Variants in DENND2B observed in about 807,000 individuals in gnomAD.
DENND2B encodes DENN domain-containing protein 2B.
DENND2B carries 32 observed loss-of-function variants against 116.0 expected under a neutral mutation model. The ratio of observed to expected loss-of-function variants is 0.28; its 90% CI spans 0.21 to 0.37. The LOEUF is 0.37. Ranked by LOEUF, DENND2B falls within the 10% of genes least tolerant of loss-of-function variation. The pLI, the probability that DENND2B is intolerant of heterozygous loss-of-function variation, is 1.00. For missense variants in DENND2B, 1,276 were observed against 1,477.7 expected (o/e 0.86, Z 2.24); for synonymous variants, 588 against 583.9 (o/e 1.01, Z -0.10).
At chr11:8,809,218 T>G (rs2061162428) in intron 1 of DENND2B, 1 of 152,190 alleles carries the variant, frequency 6.6e-6, no homozygotes, top group African/African-American at 2.4e-5. Context: ...ACAACCACGA[T>G]GTATACATGT....
intron 2 of DENND2B, among the ~76,000 whole-genome samples, chr11:8,737,243 T>C (rs2049216822): frequency 6.6e-6 from 1 of 152,200 alleles, no homozygotes; most frequent in Non-Finnish European, 1.5e-5. Flanking sequence ...AGCGTAAGTG[T>C]AGCTAGAGAA....
Position 8,707,206 on chromosome 11 carries a change from C to A in DENND2B, c.2450G>T (p.Arg817Leu), listed in dbSNP as rs145873502. The change falls in exon 13 of 20, where the codon CGC (arginine) becomes CTC (leucine). Residue 817 changes from arginine (R) to leucine (L), a missense_variant. Around this residue, in one of 2 missense-constraint regions of DENND2B, gnomAD observed 420 missense variants for 631.1 expected, o/e 0.67. Transcript: ENST00000313726. The surrounding 1 kb of genome is among the most constrained non-coding windows in gnomAD (Gnocchi z 4.8). ...CAATGCAGCGGAGATCCCACGCCGGCGCTCCACCTCATCTAGGACCTGTGC... is the reference window on the plus strand; with the variant it reads ...CAATGCAGCGGAGATCCCACGCCGGAGCTCCACCTCATCTAGGACCTGTGC... The part of the protein sequence containing the change: ...LFSKVLDEVE[R>L]RRGISAALVY... 1 of 1,612,500 alleles carries A rather than the reference C, an allele frequency of 6.2e-7. No homozygotes were observed. The highest frequency in any genetic ancestry group is 8.5e-7 in the Non-Finnish European group (1 of 1,179,164).
upstream of DENND2B, among the ~76,000 whole-genome samples, chr11:8,876,198 C>T (rs2063839235): frequency 6.6e-6 from 1 of 151,984 alleles, no homozygotes; most frequent in South Asian, 2.1e-4. Flanking sequence ...CCAGCCTGGG[C>T]AACATAGCAA....
At chr11:8,896,386 G>C (rs2064101786) in intron 1 of DENND2B, among the ~76,000 whole-genome samples, 3 of 152,132 alleles carry the variant, frequency 2.0e-5, no homozygotes, top group African/African-American at 4.8e-5. Flanking sequence ...AAAATTGGAA[G>C]GGAACAGGAA....
At chr11:8,887,513 A>G (rs1277619175) in intron 1 of DENND2B, among the ~76,000 whole-genome samples, 3 of 152,322 alleles carry the variant, frequency 2.0e-5, no homozygotes, top group Admixed American at 2.0e-4. Context: ...GGATGATAAT[A>G]TATGTGTTAA....
chr11:8,871,648 G>C (rs562691497), upstream of DENND2B, among the ~76,000 whole-genome samples: 1 of 152,314 alleles, frequency 6.6e-6, no homozygotes, highest in African/African-American at 2.4e-5. Context: ...TGCAGCAGCA[G>C]CAGAACTCCC....
chr11:8,862,128 G>A (rs1156752792), intron 2 of DENND2B, among the ~76,000 whole-genome samples: 1 of 151,704 alleles, frequency 6.6e-6, no homozygotes, highest in Non-Finnish European at 1.5e-5. Flanking sequence ...TAAAATTTCA[G>A]ACACAATTCA....
At chr11:8,713,910 A>G in intron 8 of DENND2B, 88 bp downstream of exon 8, 1 of 1,449,824 alleles carries the variant, frequency 6.9e-7, no homozygotes, top group Non-Finnish European at 9.7e-7. Flanking sequence ...GGTTAGGGAC[A>G]CTGGAACCAC....
At chr11:8,794,368 C>A (rs1047631519) in intron 1 of DENND2B, among the ~76,000 whole-genome samples, 2 of 152,174 alleles carry the variant, frequency 1.3e-5, no homozygotes, top group African/African-American at 4.8e-5. Flanking sequence ...GCAAAATAGA[C>A]GACAGCTGTG....
intron 2 of DENND2B, among the ~76,000 whole-genome samples, chr11:8,880,345 C>CTGTGTGTGTGTGTGTGTGTG (rs56051922): frequency 4.5e-4 from 54 of 120,638 alleles, no homozygotes; most frequent in Admixed American, 1.6e-3. Flanking sequence ...TCACTTTGAA[C>CTGTGTGTGTGTGTGTGTGTG]TGTGTGTGTG....
At chr11:8,801,511 T>C (rs112912618) in intron 1 of DENND2B, among the ~76,000 whole-genome samples, 47 of 152,028 alleles carry the variant, frequency 3.1e-4, no homozygotes, top group African/African-American at 1.0e-3. Context: ...ACCCCGTCTC[T>C]ACTAAAATAC....
At chr11:8,897,919 C>T (rs573027236) in intron 1 of DENND2B, among the ~76,000 whole-genome samples, 1 of 152,252 alleles carries the variant, frequency 6.6e-6, no homozygotes, top group Admixed American at 6.5e-5. Flanking sequence ...CACAGGCATG[C>T]ACCACCATGC....
chr11:8,757,825 C>G (rs1374585228), intron 1 of DENND2B, among the ~76,000 whole-genome samples: 1 of 152,218 alleles, frequency 6.6e-6, no homozygotes, highest in Admixed American at 6.5e-5. Context: ...AGCTCTGGGC[C>G]AGGACCCTGT....
chr11:8,774,195 C>A, intron 1 of DENND2B: 2 of 985,472 alleles, frequency 2.0e-6, no homozygotes, highest in Non-Finnish European at 2.4e-6. Context: ...GGGTTCTTGA[C>A]AACTGCAGCT....
chr11:8,874,773 T>C (rs79533405), upstream of DENND2B, among the ~76,000 whole-genome samples: 4 of 151,220 alleles, frequency 2.6e-5, no homozygotes, highest in African/African-American at 4.9e-5. Context: ...AAAAAAAAAT[T>C]AGCTGAGCAT....
At chr11:8,796,061 A>C (rs1490478895) in intron 1 of DENND2B, among the ~76,000 whole-genome samples, 2 of 152,344 alleles carry the variant, frequency 1.3e-5, no homozygotes, top group Middle Eastern at 3.4e-3. Context: ...ATCTATGCTA[A>C]ATCTGAAATT....
chr11:8,717,296 T>A (rs871677), intron 5 of DENND2B, among the ~76,000 whole-genome samples: 1 of 152,074 alleles, frequency 6.6e-6, no homozygotes, highest in Admixed American at 6.5e-5. Flanking sequence ...TTTGGGGACC[T>A]ACACCTAGCC....
intron 1 of DENND2B, among the ~76,000 whole-genome samples, chr11:8,759,830 A>G (rs2054277572): frequency 6.6e-6 from 1 of 152,234 alleles, no homozygotes; most frequent in Non-Finnish European, 1.5e-5. Context: ...GACATGAGGA[A>G]CAGACTGGCA....
chr11:8,699,304 G>T lies in DENND2B; in HGVS notation c.2807C>A (p.Ser936Tyr), dbSNP rs757948705. 2.5e-6 allele frequency: 4 copies of T among 1,605,064 alleles called. No individual in the cohort carries two copies. In the South Asian group the frequency reaches 4.4e-5, roughly 18 times the overall value. ...QHTFIPVLPA[S>Y]MIDIVCCPTP... The stretch of plus-strand genomic sequence containing the variant: ...GGGACAGCAGACGATGTCAATCATG[G>T]AGGCCGGGAGGACAGGAATGAAGGT... The change falls in exon 15 of 20, where the codon TCC (serine) becomes TAC (tyrosine). Residue 936 changes from serine to tyrosine, a missense_variant. Transcript: ENST00000313726.
Sources: allele counts gnomAD v4.1 joint callset (sites outside exome capture counted in the v4.1 genomes callset), GRCh38; gene constraint gnomAD v4.1.1; regional missense constraint gnomAD v4.1.1; non-coding constraint Gnocchi (gnomAD v3.1); transcripts MANE v1.5; gene names NCBI Gene and HGNC (gene_info 2026-07-23, HGNC 2026-07-21).